The following TMEM50B variants were observed in gnomAD, a reference collection of about 807,000 sequenced individuals.
TMEM50B encodes the protein HCV p7-trans-regulated protein 3.
Under a neutral mutation model 23.4 loss-of-function variants are expected in TMEM50B, and 14 were observed. That is an observed-to-expected ratio of 0.60 (90% CI 0.39 to 0.93). TMEM50B has a LOEUF of 0.93. Among genes scored for constraint, TMEM50B ranks in the 40% least tolerant of loss-of-function variants. TMEM50B has a pLI of 0.00. For synonymous variants in TMEM50B, 64 were observed against 62.3 expected (o/e 1.03, Z -0.13); for missense variants, 159 against 193.0 (o/e 0.82, Z 1.04).
chr21:33,447,705 CACACACACACACACAT>C (rs1466392152), downstream of TMEM50B, among the ~76,000 whole-genome samples: 2 of 111,052 alleles, frequency 1.8e-5, no homozygotes, highest in African/African-American at 3.5e-5. Flanking sequence ...CACACACACA[CACACACACACACACAT>C]ATATATATAT....
At chr21:33,467,610 C>T (rs1034179626) in intron 2 of TMEM50B, among the ~76,000 whole-genome samples, 2 of 151,844 alleles carry the variant, frequency 1.3e-5, no homozygotes, top group Admixed American at 6.6e-5. Flanking sequence ...GACGAAAGAA[C>T]GAGACTCTGT....
chr21:33,455,914 T>A (rs1174443079), intron 5 of TMEM50B, 130 bp from the exon 6 acceptor site: 6 of 754,106 alleles, frequency 8.0e-6, no homozygotes, highest in Non-Finnish European at 1.4e-5. Flanking sequence ...CTGTAAGACA[T>A]CTATAATGAA....
intron 1 of TMEM50B, chr21:33,479,189 C>A: frequency 5.4e-6 from 1 of 184,918 alleles, no homozygotes; most frequent in Non-Finnish European, 1.2e-5. Flanking sequence ...ACGGTCCTAC[C>A]CGCGACTACC....
At chr21:33,471,732 A>C (rs1009506404) in intron 1 of TMEM50B, among the ~76,000 whole-genome samples, 4 of 152,136 alleles carry the variant, frequency 2.6e-5, no homozygotes, top group African/African-American at 7.2e-5. Flanking sequence ...AAATGTAAAA[A>C]GATTCAAATG....
At chr21:33,432,564 G>A in exon 9 of TMEM50B, 1 of 939,012 alleles carries the variant, frequency 1.1e-6, no homozygotes. Context: ...AGCTATTAAT[G>A]TAAGCATACC....
intron 4 of TMEM50B, 135 bp downstream of exon 4, chr21:33,465,207 C>T (rs1241182848): frequency 3.4e-6 from 2 of 581,250 alleles, no homozygotes; most frequent in Non-Finnish European, 5.9e-6. Context: ...AACACTAAAA[C>T]TTTGTTTTAA....
intron 1 of TMEM50B, among the ~76,000 whole-genome samples, chr21:33,477,394 A>T (rs1423478173): frequency 6.6e-6 from 1 of 152,062 alleles, no homozygotes; most frequent in Non-Finnish European, 1.5e-5. Context: ...ATAATATAAT[A>T]CCCTCCTAGG....
At chr21:33,466,522 G>A (rs966657959) in intron 3 of TMEM50B, among the ~76,000 whole-genome samples, 2 of 151,986 alleles carry the variant, frequency 1.3e-5, no homozygotes, top group African/African-American at 4.8e-5. Context: ...GGTAAAAGTT[G>A]AGTGTACTAC....
intron 1 of TMEM50B, among the ~76,000 whole-genome samples, chr21:33,475,784 C>A (rs933525782): frequency 6.6e-6 from 1 of 152,064 alleles, no homozygotes; most frequent in Admixed American, 6.5e-5. Context: ...GAAACCCCAT[C>A]TCTAATAAAA....
intron 8 of TMEM50B, among the ~76,000 whole-genome samples, chr21:33,434,274 G>T (rs1407103339): frequency 6.6e-6 from 1 of 152,138 alleles, no homozygotes; most frequent in Non-Finnish European, 1.5e-5. Flanking sequence ...GTAATCCCAG[G>T]ACTTGGGGAG....
chr21:33,433,231 G>GCA (rs1457901308), intron 8 of TMEM50B, among the ~76,000 whole-genome samples: 4 of 152,104 alleles, frequency 2.6e-5, no homozygotes, highest in Non-Finnish European at 4.4e-5. Context: ...ACTGCCCCTG[G>GCA]CAACCCCTAA....
intron 5 of TMEM50B, among the ~76,000 whole-genome samples, chr21:33,456,750 C>T (rs1028270111): frequency 4.6e-5 from 7 of 152,100 alleles, no homozygotes; most frequent in African/African-American, 1.2e-4. Flanking sequence ...ACCTGTAAAA[C>T]GGGCATTGTA....
intron 6 of TMEM50B, among the ~76,000 whole-genome samples, chr21:33,453,419 A>G (rs1379774073): frequency 6.6e-6 from 1 of 152,092 alleles, no homozygotes; most frequent in African/African-American, 2.4e-5. Flanking sequence ...AACAATAGAA[A>G]CTATCCAAAC....
At chr21:33,446,992 A>T (rs1329578271), downstream of TMEM50B, 1 of 151,024 alleles carries the variant, frequency 6.6e-6, no homozygotes, top group Non-Finnish European at 1.5e-5. Context: ...AAAATACAAA[A>T]ATTAGCCGGG....
rs761644304 is a variant in TMEM50B at position 33,458,411 on chromosome 21, G to GGCTGAGAAAGGAGAATT, written c.373+1985_373+2001dup. Among the ~76,000 whole-genome samples, 158 of 152,262 alleles carry GGCTGAGAAAGGAGAATT rather than the reference G, an allele frequency of 1.0e-3. 1 individual carries two copies. Among genetic ancestry groups the GGCTGAGAAAGGAGAATT allele is most frequent in the Non-Finnish European group, 1.3e-3 (87 of 68,022 alleles). On this transcript the variant is annotated intron_variant, in intron 5 of 6. Transcript: ENST00000542230. ...CACCTGCAGTCCCAGCTACTTAGGA[G>GGCTGAGAAAGGAGAATT]GCTGAGAAAGGAGAATTGCTTGAAC... is the stretch of plus-strand genomic sequence containing the variant.
intron 6 of TMEM50B, among the ~76,000 whole-genome samples, chr21:33,452,252 G>A (rs188434888): frequency 2.2e-3 from 331 of 152,352 alleles, no homozygotes; most frequent in African/African-American, 3.9e-3. Flanking sequence ...AAAACCAGGA[G>A]TGTCAAGGCC....
chr21:33,467,952 G>A (rs1479244008), intron 2 of TMEM50B, among the ~76,000 whole-genome samples: 1 of 152,068 alleles, frequency 6.6e-6, no homozygotes, highest in Non-Finnish European at 1.5e-5. Context: ...CTGGGAGACT[G>A]AGGCAGGAAG....
chr21:33,470,091 T>C (rs1215139519), intron 1 of TMEM50B, among the ~76,000 whole-genome samples: 1 of 133,214 alleles, frequency 7.5e-6, no homozygotes, highest in African/African-American at 2.5e-5. Context: ...CCACCATAAA[T>C]TCTAGAAAGA....
At chr21:33,448,522 C>A (rs2084086774), downstream of TMEM50B, among the ~76,000 whole-genome samples, 2 of 151,962 alleles carry the variant, frequency 1.3e-5, no homozygotes, top group South Asian at 2.1e-4. Flanking sequence ...GCTCTGTTGC[C>A]CAGACTGGAG....
Sources: gnomAD v4.1 joint callset for allele counts (sites outside exome capture counted in the v4.1 genomes callset) on GRCh38, gnomAD v4.1.1 for gene constraint, MANE v1.5 for transcripts, NCBI Gene and HGNC (gene_info 2026-07-23, HGNC 2026-07-21) for gene names.